Variants in ADAM8 observed in about 807,000 individuals in gnomAD.
ADAM8 encodes the protein disintegrin and metalloproteinase domain-containing protein 8.
ADAM8 carries 104 observed loss-of-function variants against 102.4 expected under a neutral mutation model. The ratio of observed to expected loss-of-function variants is 1.02; its 90% CI spans 0.87 to 1.20. The LOEUF is 1.20. ADAM8 is among the 50% of genes most tolerant of loss of function. The probability of loss-of-function intolerance (pLI) is 0.00; values close to 1 mark genes in which losing one functional copy is unlikely to be tolerated. For missense variants in ADAM8, 1,132 were observed against 1,159.0 expected (o/e 0.98, Z 0.34); for synonymous variants, 517 against 485.2 (o/e 1.07, Z -0.86).
chr10:133,267,537 CCACAGGG>C, intron 20 of ADAM8, 120 bp from the exon 21 acceptor site: 1 of 967,042 alleles, frequency 1.0e-6, no homozygotes, highest in Non-Finnish European at 1.5e-6. Flanking sequence ...TCTGCGCGGC[CCACAGGG>C]CCCCACCCCA....
intron 8 of ADAM8, 61 bp downstream of exon 8, chr10:133,272,737 A>AAC: frequency 1.4e-6 from 2 of 1,444,526 alleles, no homozygotes; most frequent in Non-Finnish European, 1.8e-6. Flanking sequence ...ACCCTGTGGC[A>AAC]ACACCCCCCC....
rs149032810 is a variant in ADAM8 at position 133,272,256 on chromosome 10, C to T, written c.894G>A (p.Gly298=). ...ACACCCTGGCAAACCCCACGGTAGT[C>T]CCGGTGAAGTCGACACCCCTGGAAG... ...VQLITGVDFT[G]TTVGFARVSA... The change falls in exon 10 of 23, where the codon GGG becomes GGA. Residue 298 remains glycine (G), a synonymous_variant. Transcript: ENST00000445355. 8.9e-5 allele frequency: 137 copies of T among 1,539,312 alleles called. No homozygotes were observed. In the African/African-American group the frequency reaches 1.4e-3, roughly 16 times the overall value.
At position 133,267,350 on chromosome 10, in the gene ADAM8, A is replaced by C; in HGVS notation, c.2319+2T>G. 1 of 1,606,914 alleles carries C rather than the reference A, an allele frequency of 6.2e-7. No homozygotes were observed. Among genetic ancestry groups the C allele is most frequent in the Non-Finnish European group, 8.5e-7 (1 of 1,177,850 alleles). ...CTTGGCCGCCCAATCACCACTGCTC[A>C]CCTGCTTTGGTGCCTGCCGGGTGTA... On this transcript the variant is annotated splice_donor_variant, in intron 21 of 22. Coordinates refer to ENST00000445355, the MANE Select transcript of ADAM8 (RefSeq NM_001109.5). LOFTEE classifies it high-confidence loss of function.
chr10:133,276,378 C>A (rs576406752), intron 1 of ADAM8, among the ~76,000 whole-genome samples: 1 of 152,358 alleles, frequency 6.6e-6, no homozygotes, highest in South Asian at 2.1e-4. Context: ...CCCCTGCACT[C>A]CAGGCCTCAG....
Position 133,274,443 on chromosome 10 carries a change from G to A in ADAM8, c.151-208C>T, listed in dbSNP as rs919844489. On this transcript the variant is annotated intron_variant, in intron 2 of 22. Coordinates refer to ENST00000445355, the MANE Select transcript of ADAM8 (RefSeq NM_001109.5). The stretch of plus-strand genomic sequence containing the variant: ...GGCAGGGGGTGGGGGGTGGAAGGTG[G>A]AGGGTGGAGAGTGGAGGGTGGAGGG... Among the ~76,000 whole-genome samples, 218 of 115,674 alleles carry A rather than the reference G, an allele frequency of 1.9e-3. 1 individual carries two copies. Among genetic ancestry groups the A allele is most frequent in the Middle Eastern group, 8.5e-3 (2 of 236 alleles). 75.9% of individuals were successfully genotyped at this position (115,674 alleles called of 152,430 possible).
At position 133,263,165 on chromosome 10, in the gene ADAM8, T is replaced by C; in HGVS notation, c.2466A>G (p.Thr822=). Residue 822 remains threonine (T), a synonymous_variant, in exon 23 of 23, where the codon ACA becomes ACG. Transcript: ENST00000445355. ...IQRKQGAGAP[T]AP is the part of the protein sequence containing the mutation. ...AGGCGCAGGTGCCCCCCTAGGGTGC[T>C]GTGGGAGCTCCGGCTCCTTGCTTCC... 6.2e-7 allele frequency: 1 copy of C among 1,613,994 alleles called. No homozygotes were observed. Among genetic ancestry groups the C allele is most frequent in the East Asian group, 2.2e-5 (1 of 44,888 alleles).
At chr10:133,272,083 T>A (rs1433912261) in intron 10 of ADAM8, 110 bp downstream of exon 10, 2 of 1,506,858 alleles carry the variant, frequency 1.3e-6, no homozygotes, top group African/African-American at 2.8e-5. Context: ...AATCAGGCAT[T>A]AAACCTGGCC....
At position 133,273,318 on chromosome 10, in the gene ADAM8, C is replaced by T; in HGVS notation, c.509G>A (p.Ser170Asn). Residue 170 changes from serine (S) to asparagine (N), a missense_variant, in exon 6 of 23, where the codon AGC becomes AAC. Physicochemically the swap from Ser to Asn is conservative, Grantham distance 46. Transcript: ENST00000445355. Reference protein sequence around the residue: ...LLQTAGTCGVSDDSLGSLLGP... With the variant: ...LLQTAGTCGVNDDSLGSLLGP... ...CAGGAGGCTGCCCAGGCTGTCGTCG[C>T]TGACCCCGCAGGTCCCGGCCGTCTG... is the stretch of plus-strand genomic sequence containing the variant. 6.3e-7 allele frequency: 1 copy of T among 1,584,814 alleles called. No homozygotes were observed. The highest frequency in any genetic ancestry group is 8.6e-7 in the Non-Finnish European group (1 of 1,166,866).
At chr10:133,271,391 C>G in intron 12 of ADAM8, 102 bp from the exon 13 acceptor site, 1 of 1,489,558 alleles carries the variant, frequency 6.7e-7, no homozygotes, top group Non-Finnish European at 9.0e-7. Flanking sequence ...CCTGCAGCCA[C>G]TCCCTCCCTG....
chr10:133,275,315 C>T (rs533815101), intron 2 of ADAM8, among the ~76,000 whole-genome samples, 169 bp downstream of exon 2: 2 of 152,298 alleles, frequency 1.3e-5, no homozygotes, highest in South Asian at 4.1e-4. Flanking sequence ...TGGGAGCCCT[C>T]AGGCAGTGCT....
rs376925289 is a variant in ADAM8, at chr10:133,267,368, C to T, written c.2303G>A (p.Arg768Gln). The T allele has an allele frequency of 1.4e-4, 221 of 1,609,632 alleles. No homozygotes were observed. Among genetic ancestry groups the T allele is most frequent in the Non-Finnish European group, 1.7e-4 (198 of 1,178,838 alleles). ...SPPFPVPVYTRQAPKQVIKPT... is the reference protein window; with the variant it reads ...SPPFPVPVYTQQAPKQVIKPT... Reference sequence around the variant, plus strand: ...ACTGCTCACCTGCTTTGGTGCCTGCCGGGTGTAGACAGGAACTGGGAAGGG... The same window carrying T: ...ACTGCTCACCTGCTTTGGTGCCTGCTGGGTGTAGACAGGAACTGGGAAGGG... Residue 768 changes from arginine to glutamine, a missense_variant, in exon 21 of 23, where the codon CGG becomes CAG. By Grantham distance (43) the Arg-to-Gln change is conservative. Transcript: ENST00000445355.
chr10:133,274,020 C>A lies in ADAM8; in HGVS notation c.237G>T (p.Leu79=), dbSNP rs943806253. The part of the protein sequence containing the change: ...TLHLRKNRDL[L]GSGYTETYTA... ...TATAGGTCTCTGTGTAGCCGGAGCCCAGCAGGTCCCTGGAAAAGAAGTGCT... is the reference window on the plus strand; with the variant it reads ...TATAGGTCTCTGTGTAGCCGGAGCCAAGCAGGTCCCTGGAAAAGAAGTGCT... The change falls in exon 4 of 23, where the codon CTG becomes CTT. Residue 79 remains leucine (L), a synonymous_variant. Coordinates refer to ENST00000445355, the MANE Select transcript of ADAM8 (RefSeq NM_001109.5). 4 of 1,606,080 alleles carry A rather than the reference C, an allele frequency of 2.5e-6. No individual in the cohort carries two copies. The African/African-American group carries it at 5.3e-5, about 21-fold the overall frequency.
Position 133,268,132 on chromosome 10 carries a change from ACAGGGCGCATGGT to A in ADAM8, c.2064-27_2064-15del. On this transcript the variant is annotated splice_polypyrimidine_tract_variant and intron_variant, in intron 19 of 22. Transcript: ENST00000445355. ...GGAGCCACGTTCCTGGGGAGGAAGC[ACAGGGCGCATGGT>A]CAGTGTCCGGCCATGGGGCCCCAGC... The A allele has an allele frequency of 7.9e-7, 1 of 1,259,374 alleles. No individual in the cohort carries two copies. Among genetic ancestry groups the A allele is most frequent in the Non-Finnish European group, 1.0e-6 (1 of 994,658 alleles). 78.0% of individuals were successfully genotyped at this position (1,259,374 alleles called of 1,614,324 possible).
At chr10:133,272,640 G>A in intron 8 of ADAM8, 55 bp from the exon 9 acceptor site, 1 of 1,565,454 alleles carries the variant, frequency 6.4e-7, no homozygotes, top group South Asian at 1.2e-5. Flanking sequence ...GGTACAGCAG[G>A]GAGGGTGGGT....
At chr10:133,267,604 G>C (rs558700784) in intron 20 of ADAM8, among the ~76,000 whole-genome samples, 187 bp from the exon 21 acceptor site, 3 of 152,368 alleles carry the variant, frequency 2.0e-5, no homozygotes, top group South Asian at 2.1e-4. Context: ...ATCCCGAGCT[G>C]GGGGCCGGAG....
chr10:133,269,049 T>C, intron 18 of ADAM8, 187 bp from the exon 19 acceptor site: 1 of 985,414 alleles, frequency 1.0e-6, no homozygotes. Context: ...CTTGGCAGGG[T>C]GGCCCTGGGC....
At position 133,267,734 on chromosome 10, in the gene ADAM8, G is replaced by C. The variant is rs540097677; in HGVS notation, c.2253+195C>G. Among the ~76,000 whole-genome samples, 3 of 152,372 alleles carry C rather than the reference G, an allele frequency of 2.0e-5. No individual in the cohort carries two copies. The East Asian group carries it at 5.8e-4, about 29-fold the overall frequency. On this transcript the variant is annotated intron_variant, in intron 20 of 22. Transcript: ENST00000445355. ...ATTCTATCATGGCTCAAAGGGGTCTGGGAAGTGCCCACTCCCAAAGCCTCA... is the reference window on the plus strand; with the variant it reads ...ATTCTATCATGGCTCAAAGGGGTCTCGGAAGTGCCCACTCCCAAAGCCTCA...
Position 133,271,634 on chromosome 10 carries a change from G to A in ADAM8, c.1178C>T (p.Ser393Leu), listed in dbSNP as rs555756529. 112 of 1,555,168 alleles carry A rather than the reference G, an allele frequency of 7.2e-5. No individual in the cohort carries two copies. Among genetic ancestry groups the A allele is most frequent in the East Asian group, 3.4e-4 (14 of 41,448 alleles). ...GTCAGGGGCGTTGGCGAGGCACACC[G>A]ACTGCGGCCGCTCCAAAAAGCTCTC... The part of the protein sequence containing the change: ...YLESFLERPQ[S>L]VCLANAPDLS... The change falls in exon 12 of 23, where the codon TCG becomes TTG. Residue 393 changes from serine to leucine, a missense_variant. Transcript: ENST00000445355.
intron 2 of ADAM8, among the ~76,000 whole-genome samples, 197 bp from the exon 3 acceptor site, chr10:133,274,432 G>A (rs1296352337): frequency 8.5e-6 from 1 of 117,714 alleles, no homozygotes; most frequent in Non-Finnish European, 1.8e-5. Context: ...GGGGGTGGGG[G>A]GTGGAAGGTG....
Sources: allele counts gnomAD v4.1 joint callset (sites outside exome capture counted in the v4.1 genomes callset), GRCh38; gene constraint gnomAD v4.1.1; transcripts MANE v1.5; gene names NCBI Gene and HGNC (gene_info 2026-07-23, HGNC 2026-07-21).